Variants in MYOM3 observed in about 807,000 individuals in gnomAD.
MYOM3 encodes the protein myomesin-3.
MYOM3 carries 155 observed loss-of-function variants against 191.7 expected under a neutral mutation model. The observed-to-expected ratio is 0.81, with a 90% CI of 0.71 to 0.92. The LOEUF (loss-of-function observed/expected upper bound fraction) is 0.92. Among genes scored for constraint, MYOM3 ranks in the 40% least tolerant of loss-of-function variants. The pLI is 0.00. For missense variants in MYOM3, 1,889 were observed against 1,890.6 expected (o/e 1.00, Z 0.02); for synonymous variants, 757 against 762.9 (o/e 0.99, Z 0.13).
At chr1:24,059,027 C>T (rs376579561) in intron 35 of MYOM3, 48 bp from the exon 36 acceptor site, 93 of 1,418,648 alleles carry the variant, frequency 6.6e-5, no homozygotes, top group African/African-American at 4.5e-4. Flanking sequence ...TTCTGCCAGC[C>T]GCTTCCCAGA....
At chr1:24,077,947 C>A (rs1029576495) in intron 20 of MYOM3, among the ~76,000 whole-genome samples, 1 of 152,154 alleles carries the variant, frequency 6.6e-6, no homozygotes, top group Non-Finnish European at 1.5e-5. Context: ...GCCTTAATTT[C>A]ATTTTTTGGT....
At chr1:24,074,575 C>T (rs1046625231) in intron 22 of MYOM3, among the ~76,000 whole-genome samples, 3 of 152,134 alleles carry the variant, frequency 2.0e-5, no homozygotes, top group Admixed American at 6.5e-5. Context: ...GGCCGTGAGC[C>T]GCTGGGGGAG....
intron 15 of MYOM3, among the ~76,000 whole-genome samples, chr1:24,085,851 G>A (rs534641084): frequency 1.2e-4 from 18 of 152,280 alleles, no homozygotes; most frequent in South Asian, 4.2e-4. Flanking sequence ...GTGTGTGCGC[G>A]TGTGTATTTT....
chr1:24,060,431 T>G (rs1168604178), intron 35 of MYOM3, among the ~76,000 whole-genome samples: 2 of 152,212 alleles, frequency 1.3e-5, no homozygotes, highest in Non-Finnish European at 2.9e-5. Context: ...TTTTCTTGTC[T>G]GTTCTTAGAG....
chr1:24,108,733 G>A (rs1370543171), intron 1 of MYOM3, 79 bp from the exon 2 acceptor site: 6 of 1,124,612 alleles, frequency 5.3e-6, no homozygotes, highest in Non-Finnish European at 7.4e-6. Context: ...ACATCTCTAG[G>A]AGGCTGGCAG....
chr1:24,062,591 T>G (rs1432096979), intron 32 of MYOM3, among the ~76,000 whole-genome samples: 1 of 152,158 alleles, frequency 6.6e-6, no homozygotes, highest in Non-Finnish European at 1.5e-5. Flanking sequence ...CTGGGGCCAC[T>G]CAGAGAGTGG....
intron 16 of MYOM3, chr1:24,083,477 C>T (rs911243458): frequency 3.9e-5 from 6 of 152,724 alleles, no homozygotes; most frequent in African/African-American, 7.2e-5. Flanking sequence ...CTGGCTTCCT[C>T]GCTCCTCAGC....
In MYOM3 at chr1:24,080,116, C is replaced by A. The variant is rs778005371; in HGVS notation, c.2486G>T (p.Gly829Val). 7 of 1,613,990 alleles carry A rather than the reference C, an allele frequency of 4.3e-6. No individual in the cohort carries two copies. Among genetic ancestry groups the A allele is most frequent in the East Asian group, 2.2e-5 (1 of 44,890 alleles). ...GTGATAGCCTGTGACAGGCCCAGCC[C>A]CCATATACAGTGGGGGTTCCCACTG... ...VLQWEPPLYM[G>V]AGPVTGYHVS... The change falls in exon 20 of 37, where the codon GGG (glycine) becomes GTG (valine). Residue 829 changes from glycine (G) to valine (V), a missense_variant. Coordinates refer to ENST00000374434, the MANE Select transcript of MYOM3 (RefSeq NM_152372.4).
chr1:24,100,012 AC>A (rs1048013181), intron 5 of MYOM3, among the ~76,000 whole-genome samples: 4 of 151,726 alleles, frequency 2.6e-5, no homozygotes. Context: ...GGGATTACAG[AC>A]GCCTTCCACC....
intron 15 of MYOM3, among the ~76,000 whole-genome samples, chr1:24,085,109 A>ATGG (rs1557610105): frequency 8.0e-4 from 118 of 148,032 alleles, no homozygotes; most frequent in Non-Finnish European, 1.5e-3. Flanking sequence ...TGGTTGGATG[A>ATGG]ATGGATGGAT....
intron 9 of MYOM3, among the ~76,000 whole-genome samples, chr1:24,093,797 G>T (rs1282419883): frequency 1.3e-5 from 2 of 152,178 alleles, no homozygotes; most frequent in South Asian, 4.1e-4. Flanking sequence ...CAGGGATCCT[G>T]ATGGCTCCCA....
At chr1:24,069,470 C>T (rs1221840736) in intron 25 of MYOM3, among the ~76,000 whole-genome samples, 1 of 152,242 alleles carries the variant, frequency 6.6e-6, no homozygotes, top group South Asian at 2.1e-4. Flanking sequence ...ATATAACCCA[C>T]AGCAGGTGGA....
At chr1:24,103,452 G>A (rs1419521036) in intron 5 of MYOM3, among the ~76,000 whole-genome samples, 1 of 152,212 alleles carries the variant, frequency 6.6e-6, no homozygotes, top group Non-Finnish European at 1.5e-5. Context: ...CTGAAGCATT[G>A]TATGTGCTTT....
At position 24,095,427 on chromosome 1, in the gene MYOM3, C is replaced by G; in HGVS notation, c.790+15G>C. ...ACAAAGAATCCCAGGTCCCGTTCTC[C>G]CCCAGCCGACTTACTTTTGAAGATC... On this transcript the variant is annotated intron_variant, in intron 8 of 36. Transcript: ENST00000374434. 1 of 1,611,234 alleles carries G rather than the reference C, an allele frequency of 6.2e-7. No homozygotes were observed.
In MYOM3 at chr1:24,080,047, G is replaced by A. The variant is rs1643647673; in HGVS notation, c.2555C>T (p.Thr852Ile). The A allele has an allele frequency of 6.2e-7, 1 of 1,614,018 alleles. No homozygotes were observed. Residue 852 changes from threonine (T) to isoleucine (I), a missense_variant, in exon 20 of 37, where the codon ACC (threonine) becomes ATC (isoleucine). Thr to Ile is a moderately conservative substitution (Grantham distance 89). Coordinates refer to ENST00000374434, the MANE Select transcript of MYOM3 (RefSeq NM_152372.4). ...GTGGGTGCCAGAGATGGGGCCTGGGGTGACCGGCTTCCACTGCTCAGAGCC... is the reference window on the plus strand; with the variant it reads ...GTGGGTGCCAGAGATGGGGCCTGGGATGACCGGCTTCCACTGCTCAGAGCC... Reference protein sequence around the residue: ...EEGSEQWKPVTPGPISGTHLR... With the variant: ...EEGSEQWKPVIPGPISGTHLR...
At position 24,057,507 on chromosome 1, in the gene MYOM3, T is replaced by A; in HGVS notation, c.4171A>T (p.Thr1391Ser). ...CTGTTGACCTTCTCAATGGTGATGGTGACCTCTGTCCCCCTCACTTCCATG... is the reference window on the plus strand; with the variant it reads ...CTGTTGACCTTCTCAATGGTGATGGAGACCTCTGTCCCCCTCACTTCCATG... ...YRMEVRGTEV[T>S]ITIEKVNSED... Residue 1391 changes from threonine (T) to serine (S), a missense_variant, in exon 37 of 37, where the codon ACC becomes TCC. Coordinates refer to ENST00000374434, the MANE Select transcript of MYOM3 (RefSeq NM_152372.4). 6.2e-7 allele frequency: 1 copy of A among 1,614,206 alleles called. No homozygotes were observed. Among genetic ancestry groups the A allele is most frequent in the Non-Finnish European group, 8.5e-7 (1 of 1,180,014 alleles).
rs764584734 is a variant in MYOM3 at position 24,090,971 on chromosome 1, T to G, written c.1258A>C (p.Ile420Leu). The part of the protein sequence containing the change: ...ERCQGESGEW[I>L]ACHEAPGGTC... ...CCTCCGGGGGCCTCATGGCAGGCGA[T>G]CCATTCCCCAGACTCGCCCTGGCAC... Residue 420 changes from isoleucine (I) to leucine (L), a missense_variant, in exon 12 of 37, where the codon ATC (isoleucine) becomes CTC (leucine). By Grantham distance (5) the Ile-to-Leu change is conservative. Coordinates refer to ENST00000374434, the MANE Select transcript of MYOM3 (RefSeq NM_152372.4). 3.1e-6 allele frequency: 5 copies of G among 1,613,822 alleles called. No individual in the cohort carries two copies. Among genetic ancestry groups the G allele is most frequent in the African/African-American group, 2.7e-5 (2 of 74,858 alleles).
chr1:24,079,498 C>T (rs1047938191), intron 20 of MYOM3, among the ~76,000 whole-genome samples: 1 of 152,146 alleles, frequency 6.6e-6, no homozygotes, highest in Non-Finnish European at 1.5e-5. Flanking sequence ...CCATGCCCTG[C>T]CCATCTCCAT....
rs990626390 is a variant in MYOM3 at position 24,068,087 on chromosome 1, G to T, written c.3296-58C>A. On this transcript the variant is annotated intron_variant, in intron 26 of 36. Coordinates refer to ENST00000374434, the MANE Select transcript of MYOM3 (RefSeq NM_152372.4). ...CGAGAGGAGTGTGGGTCTGGAGAGG[G>T]GACATGGGGTGGACAGAAGTCGAGG... The T allele has an allele frequency of 2.5e-5, 40 of 1,598,916 alleles. No individual in the cohort carries two copies. The African/African-American group carries it at 2.8e-4, about 11-fold the overall frequency.
Sources: gnomAD v4.1 joint callset for allele counts (sites outside exome capture counted in the v4.1 genomes callset) on GRCh38, gnomAD v4.1.1 for gene constraint, MANE v1.5 for transcripts, NCBI Gene and HGNC (gene_info 2026-07-23, HGNC 2026-07-21) for gene names.